Variants in SYT14 observed in about 807,000 individuals in gnomAD.
SYT14 encodes synaptotagmin-14.
A neutral mutation model predicts 74.2 loss-of-function variants in SYT14; 32 were observed. The ratio of observed to expected loss-of-function variants is 0.43; its 90% CI spans 0.33 to 0.58. SYT14 has a LOEUF of 0.58. Among genes scored for constraint, SYT14 ranks in the 20% least tolerant of loss-of-function variants. The pLI is 0.05. For missense variants in SYT14, 791 were observed against 981.8 expected (o/e 0.81, Z 2.60); for synonymous variants, 298 against 337.7 (o/e 0.88, Z 1.29).
chr1:210,059,451 TAG>T (rs1553272603), intron 5 of SYT14, among the ~76,000 whole-genome samples: 3,451 of 69,696 alleles, frequency 0.05, 90 homozygotes, highest in Middle Eastern at 0.093. Flanking sequence ...TATATATATA[TAG>T]AGAGAGAGAG....
rs762602661 is a variant in SYT14 at position 210,019,320 on chromosome 1, A to G, written c.1097-1719A>G. ...TCCCAGAAAGTGCTAACAGCTCTGC[A>G]CTGGGAGTCAGAGGTCTTAGGCTCG... On this transcript the variant is annotated intron_variant, in intron 4 of 9. Transcript: ENST00000637265. Among the ~76,000 whole-genome samples, 108 of 152,078 alleles carry G rather than the reference A, an allele frequency of 7.1e-4. 5 individuals carry two copies. The highest frequency in any genetic ancestry group is 4.6e-4 in the Non-Finnish European group (31 of 68,004).
At chr1:210,083,187 TC>T (rs2081650248) in intron 5 of SYT14, among the ~76,000 whole-genome samples, 2 of 152,140 alleles carry the variant, frequency 1.3e-5, no homozygotes, top group Admixed American at 6.5e-5. Flanking sequence ...AGATAGGGCC[TC>T]ACTATCTTGG....
At chr1:210,105,938 C>T (rs555896250) in intron 7 of SYT14, among the ~76,000 whole-genome samples, 27 of 152,340 alleles carry the variant, frequency 1.8e-4, no homozygotes, top group African/African-American at 6.3e-4. Flanking sequence ...AGTGGCCTCC[C>T]CAGAAGCTGA....
chr1:210,052,195 C>G (rs2081009061), intron 5 of SYT14, among the ~76,000 whole-genome samples: 1 of 151,744 alleles, frequency 6.6e-6, no homozygotes, highest in Admixed American at 6.6e-5. Flanking sequence ...GTTTTTTCCC[C>G]CATGACAAAG....
At chr1:209,996,912 G>A (rs979475538) in intron 2 of SYT14, among the ~76,000 whole-genome samples, 5 of 151,888 alleles carry the variant, frequency 3.3e-5, no homozygotes, top group African/African-American at 7.2e-5. Context: ...ATAAAATCCA[G>A]TATCCCTTCA....
intron 2 of SYT14, among the ~76,000 whole-genome samples, chr1:209,961,107 T>C (rs1429849054): frequency 6.6e-6 from 1 of 152,180 alleles, no homozygotes; most frequent in African/African-American, 2.4e-5. Flanking sequence ...TTCTCCCTTT[T>C]TGCTGGGTAG....
chr1:209,949,609 A>G (rs2078880320), intron 1 of SYT14, among the ~76,000 whole-genome samples: 1 of 152,134 alleles, frequency 6.6e-6, no homozygotes, highest in Middle Eastern at 3.4e-3. Flanking sequence ...GTTTCCAATA[A>G]TGTAATAAAT....
At chr1:210,131,014 G>A (rs1035678545) in intron 7 of SYT14, among the ~76,000 whole-genome samples, 52 of 152,112 alleles carry the variant, frequency 3.4e-4, no homozygotes, top group African/African-American at 1.2e-3. Flanking sequence ...CCACTTTAAC[G>A]TTTAAGAAAG....
intron 5 of SYT14, among the ~76,000 whole-genome samples, chr1:210,025,975 C>G (rs2080402689): frequency 6.6e-6 from 1 of 152,000 alleles, no homozygotes; most frequent in Non-Finnish European, 1.5e-5. Context: ...TCAGTTGGTC[C>G]TTTAGAGCAG....
At chr1:210,134,274 T>G (rs987517120) in intron 7 of SYT14, among the ~76,000 whole-genome samples, 1 of 151,862 alleles carries the variant, frequency 6.6e-6, no homozygotes, top group African/African-American at 2.4e-5. Context: ...GGCTAATTTT[T>G]AAAATTTTTT....
chr1:209,957,164 C>T (rs2079006679), intron 2 of SYT14, among the ~76,000 whole-genome samples: 1 of 152,024 alleles, frequency 6.6e-6, no homozygotes, highest in Non-Finnish European at 1.5e-5. Context: ...TTTGTTATTG[C>T]CGTTGTTAGT....
rs397863025 is a variant in SYT14 at position 210,151,513 on chromosome 1, C to CCCCT, written c.2035-4208_2035-4207insCCCT. ...GAAATTATAGGCGAATGCCCCCCCC[C>CCCCT]TTTTTTTTTTTTTTAACTACAGTGG... On this transcript the variant is annotated intron_variant, in intron 7 of 9. Coordinates refer to ENST00000637265, the Ensembl canonical transcript of SYT14. Among the ~76,000 whole-genome samples the CCCCT allele has an allele frequency of 2.6e-4, 34 of 131,348 alleles. 1 individual carries two copies. Among genetic ancestry groups the CCCCT allele is most frequent in the Middle Eastern group, 4.0e-3 (1 of 250 alleles). The allele number at this position is 131,348 out of a possible 152,430, so 86.2% of individuals were successfully genotyped here. A position where few individuals can be genotyped will look rare whatever the true frequency, so the allele number is the denominator to read the frequency against.
At chr1:210,096,194 C>T (rs1203601362) in intron 6 of SYT14, among the ~76,000 whole-genome samples, 1 of 152,120 alleles carries the variant, frequency 6.6e-6, no homozygotes, top group African/African-American at 2.4e-5. Flanking sequence ...TAGTTCCAAC[C>T]CAGGTCTGTC....
chr1:210,020,051 G>C (rs2080270186), intron 4 of SYT14, among the ~76,000 whole-genome samples: 2 of 152,112 alleles, frequency 1.3e-5, no homozygotes, highest in South Asian at 4.1e-4. Flanking sequence ...AGATAGTTTT[G>C]TCTGTGCATA....
intron 4 of SYT14, among the ~76,000 whole-genome samples, chr1:210,018,106 A>G (rs1194163208): frequency 6.6e-6 from 1 of 152,184 alleles, no homozygotes; most frequent in African/African-American, 2.4e-5. Context: ...CTGAAAATGT[A>G]TCCATTTTGG....
chr1:209,959,093 C>T (rs9430026), intron 2 of SYT14, among the ~76,000 whole-genome samples: 1 of 151,974 alleles, frequency 6.6e-6, no homozygotes, highest in Non-Finnish European at 1.5e-5. Flanking sequence ...TATGTTTATA[C>T]AAAAATTTGT....
At chr1:210,122,959 CT>C (rs1349501405) in intron 7 of SYT14, among the ~76,000 whole-genome samples, 1 of 152,138 alleles carries the variant, frequency 6.6e-6, no homozygotes, top group African/African-American at 2.4e-5. Flanking sequence ...ATAACAAAGC[CT>C]TTCCTAAATA....
chr1:210,110,618 CA>C lies in SYT14; in HGVS notation c.2034+10158del, dbSNP rs1016835597. Among the ~76,000 whole-genome samples the C allele has an allele frequency of 2.6e-5, 4 of 152,170 alleles. 1 individual carries two copies. The highest frequency in any genetic ancestry group is 9.7e-5 in the African/African-American group (4 of 41,422). On this transcript the variant is annotated intron_variant, in intron 7 of 9. Transcript: ENST00000637265. Reference sequence around the variant, plus strand: ...AGTTCTAGAAGAGTTTATCGTAGATCAGGGGTACCAAGGAGACATAGTAAAG... The same window carrying C: ...AGTTCTAGAAGAGTTTATCGTAGATCGGGGTACCAAGGAGACATAGTAAAG...
intron 5 of SYT14, among the ~76,000 whole-genome samples, chr1:210,056,312 C>G (rs2081095450): frequency 6.6e-6 from 1 of 151,642 alleles, no homozygotes; most frequent in African/African-American, 2.4e-5. Flanking sequence ...TAATTGAGAC[C>G]TCACCCCCCA....
Sources: gnomAD v4.1 joint callset for allele counts (sites outside exome capture counted in the v4.1 genomes callset) on GRCh38, gnomAD v4.1.1 for gene constraint, MANE v1.5 for transcripts, NCBI Gene and HGNC (gene_info 2026-07-23, HGNC 2026-07-21) for gene names.